The following PEX14 variants were observed in gnomAD, a reference collection of about 807,000 sequenced individuals.
PEX14 encodes the protein peroxisomal biogenesis factor 14, also known as peroxisomal membrane protein PEX14.
A neutral mutation model predicts 49.5 loss-of-function variants in PEX14; 15 were observed. That is an observed-to-expected ratio of 0.30 (90% confidence interval 0.20 to 0.47). The LOEUF (loss-of-function observed/expected upper bound fraction) is 0.47. Among genes scored for constraint, PEX14 ranks in the 20% least tolerant of loss-of-function variants. PEX14 has a pLI of 1.00. For missense variants in PEX14, 398 were observed against 494.8 expected (o/e 0.80, Z 1.86); for synonymous variants, 210 against 212.7 (o/e 0.99, Z 0.11).
Position 10,539,936 on chromosome 1 carries a change from C to T in PEX14, c.169+3639C>T, listed in dbSNP as rs933965658. Among the ~76,000 whole-genome samples the T allele has an allele frequency of 6.6e-6, 1 of 152,108 alleles. No individual in the cohort carries two copies. The highest frequency in any genetic ancestry group is 2.4e-5 in the African/African-American group (1 of 41,380). ...AAAGCAAGCTTCTAGGAAAGACAAA[C>T]ATCATCTATTTTTCTGTATAACCCT... On this transcript the variant is annotated intron_variant, in intron 3 of 8. Coordinates refer to ENST00000356607, the MANE Select transcript of PEX14 (RefSeq NM_004565.3). The surrounding 1 kb of genome is among the most constrained non-coding windows in gnomAD (Gnocchi z 4.6).
rs544992624 is a variant in PEX14, at chr1:10,522,221, A to G, written c.85-13992A>G. On this transcript the variant is annotated intron_variant, in intron 2 of 8. Transcript: ENST00000356607. The stretch of plus-strand genomic sequence containing the variant: ...GTGTTCACCTTTAGTTACTAAGCAG[A>G]GTAAGGGAAATAAATGCTTTTATAG... Among the ~76,000 whole-genome samples, 9 of 152,366 alleles carry G rather than the reference A, an allele frequency of 5.9e-5. No individual in the cohort carries two copies. In the East Asian group the frequency reaches 1.7e-3, roughly 29 times the overall value.
At chr1:10,624,610 G>T (rs947400689) in intron 7 of PEX14, among the ~76,000 whole-genome samples, 173 bp downstream of exon 7, 1 of 152,218 alleles carries the variant, frequency 6.6e-6, no homozygotes, top group Non-Finnish European at 1.5e-5. Flanking sequence ...GAGACAGGAG[G>T]CTGTTGCTGG....
In PEX14 at chr1:10,629,303, GA is replaced by G. The variant is rs1207254101; in HGVS notation, c.678-227del. ...CTTGCCCAGGGTGGGGGCCCGGGGG[GA>G]CCCTGGGCTGTCTGTGGGGGCACAG... On this transcript the variant is annotated intron_variant, in intron 8 of 8. Transcript: ENST00000356607. The surrounding 1 kb of genome is among the most constrained non-coding windows in gnomAD (Gnocchi z 8.5). Among the ~76,000 whole-genome samples, 1 of 152,204 alleles carries G rather than the reference GA, an allele frequency of 6.6e-6. No individual in the cohort carries two copies. Among genetic ancestry groups the G allele is most frequent in the Non-Finnish European group, 1.5e-5 (1 of 68,032 alleles).
intron 3 of PEX14, among the ~76,000 whole-genome samples, chr1:10,562,919 C>T (rs56219403): frequency 0.61 from 90,110 of 146,938 alleles, 28,744 homozygotes; most frequent in Admixed American, 0.7. Context: ...TCTTTCTTTT[C>T]TTTTTTTTTA....
chr1:10,518,442 G>A (rs911560990), intron 2 of PEX14, among the ~76,000 whole-genome samples: 4 of 152,072 alleles, frequency 2.6e-5, no homozygotes, highest in Admixed American at 6.6e-5. Context: ...GCGTCATCCC[G>A]TTTCACAGAC....
At chr1:10,598,198 A>C (rs1640881397) in intron 3 of PEX14, among the ~76,000 whole-genome samples, 1 of 152,214 alleles carries the variant, frequency 6.6e-6, no homozygotes, top group Admixed American at 6.5e-5. Context: ...GGTCTTTTGC[A>C]GACTAACAGT....
intron 2 of PEX14, among the ~76,000 whole-genome samples, chr1:10,503,340 A>G (rs918506663): frequency 2.0e-5 from 3 of 148,866 alleles, no homozygotes; most frequent in African/African-American, 4.9e-5. Context: ...AAGAAAAAAG[A>G]TTATCCTGGA....
At chr1:10,566,823 A>G (rs1639819882) in intron 3 of PEX14, among the ~76,000 whole-genome samples, 1 of 151,922 alleles carries the variant, frequency 6.6e-6, no homozygotes, top group South Asian at 2.1e-4. Flanking sequence ...GGCCACCAGT[A>G]TTATTTTTTA....
chr1:10,577,185 A>C (rs543747363), intron 3 of PEX14, among the ~76,000 whole-genome samples: 225 of 89,540 alleles, frequency 2.5e-3, no homozygotes, highest in African/African-American at 6.4e-3. Flanking sequence ...AGGCAGGTGG[A>C]TAACAGTTCA....
chr1:10,534,963 T>C lies in PEX14; in HGVS notation c.85-1250T>C, dbSNP rs189824520. ...ATATAAAATATGGGGAAGGAGATGA[T>C]TTGTAACTTGTATTTCACTTACAGT... On this transcript the variant is annotated intron_variant, in intron 2 of 8. Coordinates refer to ENST00000356607, the MANE Select transcript of PEX14 (RefSeq NM_004565.3). Among the ~76,000 whole-genome samples, 61 of 152,322 alleles carry C rather than the reference T, an allele frequency of 4.0e-4. 1 individual carries two copies. The East Asian group carries it at 0.01, about 26-fold the overall frequency.
At position 10,630,077 on chromosome 1, in the gene PEX14, C is replaced by T; in HGVS notation, c.*90C>T. 1.3e-6 allele frequency: 2 copies of T among 1,568,564 alleles called. No individual in the cohort carries two copies. Among genetic ancestry groups the T allele is most frequent in the Non-Finnish European group, 1.7e-6 (2 of 1,162,688 alleles). On this transcript the variant is annotated 3_prime_UTR_variant, in exon 9 of 9. Transcript: ENST00000356607. This position sits in a 1 kb window ranked among gnomAD's most constrained non-coding sequence, Gnocchi z 4.1. ...GCCTCCCTCTCTGGCCCTGGGAGGG[C>T]AGCTTGGAGCCCAGGTAGGGGGCAG...
At chr1:10,619,361 G>A (rs1466739062) in intron 5 of PEX14, among the ~76,000 whole-genome samples, 1 of 147,924 alleles carries the variant, frequency 6.8e-6, no homozygotes, top group African/African-American at 2.5e-5. Context: ...CTGTCACCTA[G>A]GCCGGAGTGC....
chr1:10,611,284 T>A (rs1247638898), intron 4 of PEX14, among the ~76,000 whole-genome samples: 1 of 151,992 alleles, frequency 6.6e-6, no homozygotes, highest in East Asian at 1.9e-4. Context: ...AAAAAAAAAA[T>A]TAATAGCCAT....
chr1:10,495,226 C>T lies in PEX14; in HGVS notation c.37-48C>T. On this transcript the variant is annotated intron_variant, in intron 1 of 8. Coordinates refer to ENST00000356607, the MANE Select transcript of PEX14 (RefSeq NM_004565.3). The surrounding 1 kb of genome is among the most constrained non-coding windows in gnomAD (Gnocchi z 4.2). The stretch of plus-strand genomic sequence containing the variant: ...GGAACATCTTTGGTTTTTTGATGTC[C>T]ATTGGGTGGCACTGTGATCTTATTT... 6.3e-7 allele frequency: 1 copy of T among 1,591,656 alleles called. No homozygotes were observed.
chr1:10,535,934 T>A (rs1233381263), intron 2 of PEX14: 10 of 425,728 alleles, frequency 2.3e-5, no homozygotes, highest in Non-Finnish European at 4.0e-5. Flanking sequence ...AAGAATCAGC[T>A]CGAATGGAGA....
intron 1 of PEX14, among the ~76,000 whole-genome samples, chr1:10,476,062 C>G (rs1347090461): frequency 6.6e-6 from 1 of 152,182 alleles, no homozygotes; most frequent in Non-Finnish European, 1.5e-5. Flanking sequence ...ATAGTTTCAA[C>G]TTGGGGCCTC....
chr1:10,502,175 C>G (rs1415750893), intron 2 of PEX14, among the ~76,000 whole-genome samples: 1 of 152,116 alleles, frequency 6.6e-6, no homozygotes, highest in Non-Finnish European at 1.5e-5. Flanking sequence ...TTCCTCACTC[C>G]TCTCTCATCA....
intron 3 of PEX14, among the ~76,000 whole-genome samples, chr1:10,598,023 C>G (rs996152079): frequency 3.3e-5 from 5 of 152,192 alleles, no homozygotes; most frequent in African/African-American, 1.2e-4. Context: ...ATCCTCAGAA[C>G]CTCCTTGTAC....
At position 10,630,343 on chromosome 1, in the gene PEX14, C is replaced by T. The variant is rs1020266624; in HGVS notation, c.*356C>T. 6.5e-5 allele frequency: 23 copies of T among 355,958 alleles called. No homozygotes were observed. Among genetic ancestry groups the T allele is most frequent in the Admixed American group, 1.2e-4 (3 of 24,330 alleles). 22.0% of individuals were successfully genotyped at this position (355,958 alleles called of 1,614,324 possible). A position where few individuals can be genotyped will look rare whatever the true frequency, so the allele number is the denominator to read the frequency against. ...TGTGTTTGCTGAGTGTCTTGACTACCGTGACACCACGCATGGCCAGAGCTA... is the reference window on the plus strand; with the variant it reads ...TGTGTTTGCTGAGTGTCTTGACTACTGTGACACCACGCATGGCCAGAGCTA... On this transcript the variant is annotated 3_prime_UTR_variant, in exon 9 of 9. Coordinates refer to ENST00000356607, the MANE Select transcript of PEX14 (RefSeq NM_004565.3). This position sits in a 1 kb window ranked among gnomAD's most constrained non-coding sequence, Gnocchi z 4.1.
Sources: allele counts gnomAD v4.1 joint callset (sites outside exome capture counted in the v4.1 genomes callset), GRCh38; gene constraint gnomAD v4.1.1; non-coding constraint Gnocchi (gnomAD v3.1); transcripts MANE v1.5; gene names NCBI Gene and HGNC (gene_info 2026-07-23, HGNC 2026-07-21).